Variants in CMSS1 observed in about 807,000 individuals in gnomAD.
CMSS1 encodes cms1 ribosomal small subunit homolog, also known as protein CMSS1.
CMSS1 carries 33 observed loss-of-function variants against 43.5 expected under a neutral mutation model. That is an observed-to-expected ratio of 0.76 (90% CI 0.57 to 1.01). CMSS1 has a LOEUF of 1.01. CMSS1 is among the 50% of genes least tolerant of loss of function. The pLI is 0.00. For missense variants in CMSS1, 313 were observed against 326.4 expected (o/e 0.96, Z 0.32); for synonymous variants, 115 against 117.2 (o/e 0.98, Z 0.12).
At chr3:100,030,168 T>A (rs561685773) in intron 1 of CMSS1, among the ~76,000 whole-genome samples, 1 of 152,276 alleles carries the variant, frequency 6.6e-6, no homozygotes, top group East Asian at 1.9e-4. Flanking sequence ...AGGACTGAAA[T>A]TGGAATTTGG....
chr3:100,090,915 G>A (rs1057095335), intron 1 of CMSS1, among the ~76,000 whole-genome samples: 1 of 152,190 alleles, frequency 6.6e-6, no homozygotes, highest in African/African-American at 2.4e-5. Context: ...AATGAGTGCA[G>A]AGGTTAAACA....
At chr3:100,085,701 C>T (rs1218173775) in intron 1 of CMSS1, among the ~76,000 whole-genome samples, 4 of 152,150 alleles carry the variant, frequency 2.6e-5, no homozygotes, top group Admixed American at 2.6e-4. Flanking sequence ...ACTCTTCAGC[C>T]ACTGCAGTGT....
At chr3:99,891,953 CTTA>C (rs1415608626) in intron 1 of CMSS1, among the ~76,000 whole-genome samples, 1 of 152,142 alleles carries the variant, frequency 6.6e-6, no homozygotes, top group Non-Finnish European at 1.5e-5. Flanking sequence ...TTCACTAACA[CTTA>C]TTAGTTAAAT....
intron 1 of CMSS1, among the ~76,000 whole-genome samples, chr3:100,135,443 T>TGTGTGC (rs1491071075): frequency 1.6e-3 from 81 of 51,178 alleles, no homozygotes; most frequent in African/African-American, 6.4e-3. Flanking sequence ...TGTGCATGTG[T>TGTGTGC]GTGTGTGTGT....
chr3:99,894,734 C>T (rs1706194269), intron 1 of CMSS1, among the ~76,000 whole-genome samples: 1 of 152,076 alleles, frequency 6.6e-6, no homozygotes. Flanking sequence ...TTACTCAACC[C>T]ATAATAAAGC....
chr3:99,821,101 T>C (rs1942430262), intron 1 of CMSS1, among the ~76,000 whole-genome samples: 1 of 152,194 alleles, frequency 6.6e-6, no homozygotes, highest in South Asian at 2.1e-4. Flanking sequence ...TGTACTATTT[T>C]TTGGCTGTTA....
intron 1 of CMSS1, among the ~76,000 whole-genome samples, chr3:100,058,722 C>G (rs1219864031): frequency 6.6e-6 from 1 of 152,238 alleles, no homozygotes; most frequent in Admixed American, 6.5e-5. Context: ...TTTTTCCTGA[C>G]TGTCCCACTC....
intron 6 of CMSS1, among the ~76,000 whole-genome samples, chr3:100,170,009 T>C (rs1011537896): frequency 6.6e-6 from 1 of 152,236 alleles, no homozygotes; most frequent in Non-Finnish European, 1.5e-5. Context: ...CAAGGTTAGG[T>C]GATTTACAAA....
chr3:99,823,955 C>A (rs991940554), intron 1 of CMSS1, among the ~76,000 whole-genome samples: 2 of 150,326 alleles, frequency 1.3e-5, no homozygotes, highest in Non-Finnish European at 3.0e-5. Flanking sequence ...TGGAGTCTCG[C>A]CCTGTCACCC....
intron 1 of CMSS1, among the ~76,000 whole-genome samples, chr3:99,989,059 A>G (rs1709436958): frequency 6.6e-6 from 1 of 152,212 alleles, no homozygotes; most frequent in Non-Finnish European, 1.5e-5. Flanking sequence ...CTTCCATCTC[A>G]TAAACTTACT....
At chr3:99,936,457 C>A (rs112149227) in intron 1 of CMSS1, among the ~76,000 whole-genome samples, 1 of 132,886 alleles carries the variant, frequency 7.5e-6, no homozygotes, top group Non-Finnish European at 1.6e-5. Flanking sequence ...CTCACTGCAA[C>A]CTCCACCTCC....
At chr3:99,854,333 A>C (rs752494014) in intron 1 of CMSS1, among the ~76,000 whole-genome samples, 1 of 152,210 alleles carries the variant, frequency 6.6e-6, no homozygotes, top group South Asian at 2.1e-4. Context: ...GCAGGTTATC[A>C]TGAACTCTCG....
At chr3:100,126,379 G>A (rs2066662049) in intron 1 of CMSS1, among the ~76,000 whole-genome samples, 1 of 152,186 alleles carries the variant, frequency 6.6e-6, no homozygotes, top group East Asian at 1.9e-4. Context: ...ACCTAAAATA[G>A]TTGTACTTCT....
chr3:99,842,141 T>C (rs2107507338), intron 1 of CMSS1, among the ~76,000 whole-genome samples: 1 of 152,298 alleles, frequency 6.6e-6, no homozygotes, highest in African/African-American at 2.4e-5. Flanking sequence ...CACCATGGAA[T>C]ACTACTCGGC....
intron 1 of CMSS1, among the ~76,000 whole-genome samples, chr3:99,957,719 T>TTTTTTTTTTTTTTTTTTTTTC (rs1708371635): frequency 7.1e-6 from 1 of 140,192 alleles, no homozygotes; most frequent in Non-Finnish European, 1.5e-5. Context: ...TTTTTTTTTT[T>TTTTTTTTTTTTTTTTTTTTTC]TTGGTGTGTG....
At chr3:100,122,404 C>G (rs1159517477) in intron 1 of CMSS1, among the ~76,000 whole-genome samples, 1 of 152,268 alleles carries the variant, frequency 6.6e-6, no homozygotes, top group Non-Finnish European at 1.5e-5. Context: ...AAAAACAAGA[C>G]TGGCACCCAG....
intron 1 of CMSS1, among the ~76,000 whole-genome samples, chr3:99,903,819 A>G (rs1454192419): frequency 1.3e-5 from 2 of 152,158 alleles, no homozygotes; most frequent in Non-Finnish European, 2.9e-5. Context: ...AAACTACACA[A>G]TGCTCTTTTC....
chr3:99,966,602 A>G (rs1708659654), intron 1 of CMSS1, among the ~76,000 whole-genome samples: 1 of 152,276 alleles, frequency 6.6e-6, no homozygotes, highest in Admixed American at 6.5e-5. Flanking sequence ...GTTACTCAGA[A>G]CCCTTCGCTC....
At chr3:99,835,815 G>A (rs1309804940) in intron 1 of CMSS1, among the ~76,000 whole-genome samples, 1 of 152,138 alleles carries the variant, frequency 6.6e-6, no homozygotes. Context: ...GAAACTCAGT[G>A]GAAAACTAAA....
Sources: gnomAD v4.1 joint callset for allele counts (sites outside exome capture counted in the v4.1 genomes callset) on GRCh38, gnomAD v4.1.1 for gene constraint, MANE v1.5 for transcripts, NCBI Gene and HGNC (gene_info 2026-07-23, HGNC 2026-07-21) for gene names.